The following MLLT3 variants were observed in gnomAD, a reference collection of about 807,000 sequenced individuals.
MLLT3 encodes MLLT3 super elongation complex subunit.
In MLLT3, 4 loss-of-function variants were observed where a neutral mutation model predicts 53.2. The observed-to-expected ratio is 0.08, with a 90% confidence interval of 0.04 to 0.17. The LOEUF (loss-of-function observed/expected upper bound fraction) is 0.17. Among genes scored for constraint, MLLT3 ranks in the 10% least tolerant of loss-of-function variants. The probability of loss-of-function intolerance (pLI) is 1.00; values close to 1 mark genes in which losing one functional copy is unlikely to be tolerated. For synonymous variants in MLLT3, 283 were observed against 230.6 expected (o/e 1.23, Z -2.06); for missense variants, 569 against 684.0 (o/e 0.83, Z 1.87).
intron 2 of MLLT3, among the ~76,000 whole-genome samples, chr9:20,537,052 A>G (rs2119005144): frequency 6.6e-6 from 1 of 152,370 alleles, no homozygotes; most frequent in Non-Finnish European, 1.5e-5. Flanking sequence ...TGCCAGCTGT[A>G]AAACTATAGA....
intron 2 of MLLT3, among the ~76,000 whole-genome samples, chr9:20,540,797 T>G (rs1369187404): frequency 6.6e-6 from 1 of 152,260 alleles, no homozygotes; most frequent in Non-Finnish European, 1.5e-5. Flanking sequence ...TGCAAATTTC[T>G]GCAGCCAGCT....
chr9:20,509,688 T>C (rs1164110023), intron 2 of MLLT3, among the ~76,000 whole-genome samples: 2 of 152,222 alleles, frequency 1.3e-5, no homozygotes, highest in East Asian at 1.9e-4. Flanking sequence ...GTAACGTACA[T>C]GGCACTGCAT....
rs191549870 is a variant in MLLT3 at position 20,460,381 on chromosome 9, T to C, written c.194-3595A>G. Among the ~76,000 whole-genome samples the C allele has an allele frequency of 3.3e-4, 51 of 152,378 alleles. No homozygotes were observed. In the East Asian group the frequency reaches 9.3e-3, roughly 28 times the overall value. On this transcript the variant is annotated intron_variant, in intron 2 of 10. Coordinates refer to ENST00000380338, the MANE Select transcript of MLLT3 (RefSeq NM_004529.4). Reference sequence around the variant, plus strand: ...ATCTTTAGGTGACAATAAAATGGGATAATTAACATTTACTTTTTAAATTCT... The same window carrying C: ...ATCTTTAGGTGACAATAAAATGGGACAATTAACATTTACTTTTTAAATTCT...
At chr9:20,473,731 C>T (rs181120000) in intron 2 of MLLT3, among the ~76,000 whole-genome samples, 1 of 151,724 alleles carries the variant, frequency 6.6e-6, no homozygotes, top group African/African-American at 2.4e-5. Context: ...TAAAAAAAAG[C>T]AAAAGACAAC....
intron 2 of MLLT3, among the ~76,000 whole-genome samples, chr9:20,465,172 T>C (rs1824204089): frequency 6.6e-6 from 1 of 150,668 alleles, no homozygotes; most frequent in African/African-American, 2.4e-5. Flanking sequence ...GGTGAAAAGC[T>C]ATCTACACAA....
At chr9:20,592,598 T>C (rs1820156420) in intron 2 of MLLT3, among the ~76,000 whole-genome samples, 1 of 152,202 alleles carries the variant, frequency 6.6e-6, no homozygotes, top group South Asian at 2.1e-4. Context: ...TCTTAGAACT[T>C]CAACATACGA....
chr9:20,456,843 T>C (rs1346928108), intron 2 of MLLT3, 57 bp from the exon 3 acceptor site: 3 of 1,313,596 alleles, frequency 2.3e-6, no homozygotes, highest in Non-Finnish European at 3.2e-6. Flanking sequence ...AAAGACATTC[T>C]TCTTTTAAAA....
chr9:20,454,845 G>A (rs1026773741), intron 3 of MLLT3, among the ~76,000 whole-genome samples: 2 of 152,094 alleles, frequency 1.3e-5, no homozygotes, highest in African/African-American at 4.8e-5. Context: ...ACACTGAAAA[G>A]TGAGCAAAAT....
chr9:20,555,961 G>C (rs56012928), intron 2 of MLLT3, among the ~76,000 whole-genome samples: 2 of 152,282 alleles, frequency 1.3e-5, no homozygotes, highest in East Asian at 1.9e-4. Flanking sequence ...TATAACTTCA[G>C]AAAAACTCCA....
intron 2 of MLLT3, among the ~76,000 whole-genome samples, chr9:20,529,487 C>T (rs1192128525): frequency 1.3e-5 from 2 of 151,636 alleles, no homozygotes; most frequent in Non-Finnish European, 3.0e-5. Flanking sequence ...AAATACAGTA[C>T]AAAATAAATG....
At chr9:20,435,103 T>C (rs888219742) in intron 4 of MLLT3, among the ~76,000 whole-genome samples, 2 of 152,180 alleles carry the variant, frequency 1.3e-5, no homozygotes, top group South Asian at 4.1e-4. Flanking sequence ...ATAAAAAAGC[T>C]TCTGGCACCC....
At chr9:20,364,626 G>A (rs890923194) in intron 6 of MLLT3, among the ~76,000 whole-genome samples, 2 of 152,050 alleles carry the variant, frequency 1.3e-5, no homozygotes, top group African/African-American at 4.8e-5. Flanking sequence ...TTATTTCTTT[G>A]GAAGTCAGTG....
At chr9:20,487,717 G>A (rs894438969) in intron 2 of MLLT3, among the ~76,000 whole-genome samples, 4 of 152,122 alleles carry the variant, frequency 2.6e-5, no homozygotes, top group Non-Finnish European at 5.9e-5. Flanking sequence ...CTTGTGGTAT[G>A]TGAGACATAT....
intron 7 of MLLT3, chr9:20,362,780 A>T (rs1160704672): frequency 6.8e-6 from 1 of 146,200 alleles, no homozygotes; most frequent in African/African-American, 2.7e-5. Flanking sequence ...GATTTAATGC[A>T]ATATATTATA....
chr9:20,434,800 C>T (rs551337207), intron 4 of MLLT3, among the ~76,000 whole-genome samples: 1 of 152,030 alleles, frequency 6.6e-6, no homozygotes, highest in South Asian at 2.1e-4. Flanking sequence ...AATCTGAAGC[C>T]TTCAGTTCAT....
intron 2 of MLLT3, among the ~76,000 whole-genome samples, chr9:20,519,331 T>C (rs1432452607): frequency 1.1e-4 from 17 of 152,184 alleles, no homozygotes; most frequent in Admixed American, 9.8e-4. Context: ...GTGAGGAGTA[T>C]ACAGGGACAC....
chr9:20,581,587 C>T (rs1007738067), intron 2 of MLLT3, among the ~76,000 whole-genome samples: 3 of 152,062 alleles, frequency 2.0e-5, no homozygotes, highest in African/African-American at 7.2e-5. Context: ...TGGTTGACTC[C>T]TGTATAGTTG....
At chr9:20,596,342 C>T (rs747743628) in intron 2 of MLLT3, among the ~76,000 whole-genome samples, 2 of 152,178 alleles carry the variant, frequency 1.3e-5, no homozygotes, top group African/African-American at 2.4e-5. Flanking sequence ...TGATTTAAGA[C>T]GTCCCTATTT....
chr9:20,372,567 T>A (rs1021727305), intron 5 of MLLT3, among the ~76,000 whole-genome samples: 1 of 141,332 alleles, frequency 7.1e-6, no homozygotes, highest in Non-Finnish European at 1.6e-5. Flanking sequence ...TTTTTTTTTT[T>A]TTTTTTTTTT....
Sources: gnomAD v4.1 joint callset for allele counts (sites outside exome capture counted in the v4.1 genomes callset) on GRCh38, gnomAD v4.1.1 for gene constraint, MANE v1.5 for transcripts, NCBI Gene and HGNC (gene_info 2026-07-23, HGNC 2026-07-21) for gene names.